The following CSMD1 variants were observed in gnomAD, a reference collection of about 807,000 sequenced individuals.
The protein encoded by CSMD1 is CUB and Sushi multiple domains 1.
CSMD1 carries 213 observed loss-of-function variants against 417.5 expected under a neutral mutation model. The observed-to-expected ratio is 0.51, with a 90% CI of 0.46 to 0.57. CSMD1 has a LOEUF of 0.57. Ranked by LOEUF, CSMD1 falls within the 20% of genes least tolerant of loss-of-function variation. CSMD1 has a pLI of 0.00. For synonymous variants in CSMD1, 2,862 were observed against 1,736.8 expected (o/e 1.65, Z -16.11); for missense variants, 6,923 against 4,529.7 (o/e 1.53, Z -15.17).
At chr8:4,402,255 A>C (rs1220883304) in intron 3 of CSMD1, among the ~76,000 whole-genome samples, 1 of 152,092 alleles carries the variant, frequency 6.6e-6, no homozygotes, top group African/African-American at 2.4e-5. Context: ...GGAACATCAT[A>C]AACTGCAAAT....
At chr8:3,551,866 T>G (rs148026068) in intron 10 of CSMD1, among the ~76,000 whole-genome samples, 500 of 152,216 alleles carry the variant, frequency 3.3e-3, no homozygotes, top group African/African-American at 0.011. Flanking sequence ...AGGCTGCCAC[T>G]GTGTCTTTAA....
intron 2 of CSMD1, among the ~76,000 whole-genome samples, chr8:4,531,987 G>C (rs1003046044): frequency 1.4e-5 from 2 of 144,484 alleles, no homozygotes; most frequent in Non-Finnish European, 3.0e-5. Context: ...CTCCGAAAGA[G>C]AAATCCTGCA....
At chr8:4,395,349 G>C (rs921116799) in intron 3 of CSMD1, among the ~76,000 whole-genome samples, 12 of 152,114 alleles carry the variant, frequency 7.9e-5, no homozygotes, top group Admixed American at 2.0e-4. Context: ...AGCATTGTTT[G>C]CATTAAGACT....
At chr8:3,471,618 TTCCC>T (rs1283073260) in intron 11 of CSMD1, among the ~76,000 whole-genome samples, 2 of 139,016 alleles carry the variant, frequency 1.4e-5, no homozygotes, top group African/African-American at 2.6e-5. Context: ...CTCTCCTTCC[TTCCC>T]TCCCTCTCTC....
chr8:3,648,211 T>C (rs994076074), intron 7 of CSMD1, among the ~76,000 whole-genome samples: 6 of 152,264 alleles, frequency 3.9e-5, no homozygotes, highest in African/African-American at 7.2e-5. Context: ...CTTCTCACCA[T>C]ATACTAGAGA....
At chr8:4,989,828 G>A (rs1309088506) in intron 1 of CSMD1, among the ~76,000 whole-genome samples, 4 of 152,192 alleles carry the variant, frequency 2.6e-5, no homozygotes, top group African/African-American at 4.8e-5. Context: ...CAGCCACCGA[G>A]CTTTGTTTAT....
At chr8:4,314,013 CAAAAT>C (rs1563438225) in intron 3 of CSMD1, among the ~76,000 whole-genome samples, 1 of 149,384 alleles carries the variant, frequency 6.7e-6, no homozygotes, top group Non-Finnish European at 1.5e-5. Context: ...GAATCCGTCT[CAAAAT>C]AATAATAATA....
At chr8:4,099,395 C>A (rs73173829) in intron 3 of CSMD1, among the ~76,000 whole-genome samples, 2 of 152,048 alleles carry the variant, frequency 1.3e-5, no homozygotes, top group African/African-American at 2.4e-5. Flanking sequence ...CTATCGCTTA[C>A]CTGAAGCTGC....
chr8:4,953,721 G>C (rs1173555329), intron 1 of CSMD1, among the ~76,000 whole-genome samples: 2 of 152,158 alleles, frequency 1.3e-5, no homozygotes, highest in Non-Finnish European at 2.9e-5. Flanking sequence ...AAATTTGCCT[G>C]TTCCAAGATT....
At chr8:4,716,421 C>T (rs1029846137) in intron 1 of CSMD1, among the ~76,000 whole-genome samples, 2 of 152,086 alleles carry the variant, frequency 1.3e-5, no homozygotes, top group Non-Finnish European at 2.9e-5. Flanking sequence ...TAAATGTATA[C>T]AAGGGACATC....
chr8:4,479,420 C>G (rs1414758817), intron 2 of CSMD1, among the ~76,000 whole-genome samples: 1 of 149,256 alleles, frequency 6.7e-6, no homozygotes, highest in Non-Finnish European at 1.5e-5. Context: ...AATTAAGAAA[C>G]CAGAAAACAA....
Position 4,198,266 on chromosome 8 carries a change from A to G in CSMD1, c.416-166167T>C, listed in dbSNP as rs571037088. ...TAAGTTATCCTCAACTCATTATTACAGAAGCACAGAAGGTAAACCCCAGAG... is the reference window on the plus strand; with the variant it reads ...TAAGTTATCCTCAACTCATTATTACGGAAGCACAGAAGGTAAACCCCAGAG... On this transcript the variant is annotated intron_variant, in intron 3 of 69. Transcript: ENST00000635120. Among the ~76,000 whole-genome samples the G allele has an allele frequency of 3.9e-5, 6 of 152,244 alleles. No homozygotes were observed. The East Asian group carries it at 5.8e-4, about 15-fold the overall frequency.
chr8:3,951,041 T>A (rs1811563293), intron 5 of CSMD1, among the ~76,000 whole-genome samples: 1 of 152,218 alleles, frequency 6.6e-6, no homozygotes. Flanking sequence ...TTTAGTGAGA[T>A]TTTTAAAGCT....
At chr8:3,392,175 GCAC>G (rs1237414671) in intron 17 of CSMD1, among the ~76,000 whole-genome samples, 2 of 151,430 alleles carry the variant, frequency 1.3e-5, no homozygotes, top group East Asian at 1.9e-4. Context: ...GTTAATGGGT[GCAC>G]CACATCAACA....
chr8:3,164,080 G>T (rs190872458), intron 37 of CSMD1, among the ~76,000 whole-genome samples: 297 of 152,264 alleles, frequency 2.0e-3, no homozygotes, highest in East Asian at 0.012. Flanking sequence ...TCACCAGCTT[G>T]CCGAGTGTTT....
intron 3 of CSMD1, among the ~76,000 whole-genome samples, chr8:4,273,958 G>C (rs572278689): frequency 1.3e-5 from 2 of 152,232 alleles, no homozygotes; most frequent in African/African-American, 2.4e-5. Context: ...TGTCCTGGGA[G>C]TATTCAGAAC....
intron 8 of CSMD1, among the ~76,000 whole-genome samples, chr8:3,610,708 TTTCTC>T (rs1225337346): frequency 1.3e-5 from 2 of 152,174 alleles, no homozygotes; most frequent in Non-Finnish European, 1.5e-5. Flanking sequence ...TCATATGTTC[TTTCTC>T]TTAACTCCAA....
At chr8:3,214,996 T>C (rs1028135994) in intron 29 of CSMD1, among the ~76,000 whole-genome samples, 1 of 152,236 alleles carries the variant, frequency 6.6e-6, no homozygotes, top group Non-Finnish European at 1.5e-5. Context: ...TATATATTTA[T>C]CCATTTTTGG....
chr8:4,796,418 G>A (rs563781630), intron 1 of CSMD1, among the ~76,000 whole-genome samples: 2 of 152,094 alleles, frequency 1.3e-5, no homozygotes, highest in South Asian at 2.1e-4. Context: ...TAGGAAACTT[G>A]CATTTGCAAT....
Sources: gnomAD v4.1 joint callset for allele counts (sites outside exome capture counted in the v4.1 genomes callset) on GRCh38, gnomAD v4.1.1 for gene constraint, MANE v1.5 for transcripts, NCBI Gene and HGNC (gene_info 2026-07-23, HGNC 2026-07-21) for gene names.